The following CSMD1 variants were observed in gnomAD, a reference collection of about 807,000 sequenced individuals.
The protein encoded by CSMD1 is CUB and sushi domain-containing protein 1.
Under a neutral mutation model 417.5 loss-of-function variants are expected in CSMD1, and 213 were observed. The ratio of observed to expected loss-of-function variants is 0.51; its 90% confidence interval spans 0.46 to 0.57. CSMD1 has a LOEUF of 0.57. CSMD1 is among the 20% of genes least tolerant of loss of function. CSMD1 has a pLI of 0.00. For synonymous variants in CSMD1, 2,862 were observed against 1,736.8 expected, an observed-to-expected ratio of 1.65 and a Z score of -16.11; for missense variants, 6,923 against 4,529.7, an observed-to-expected ratio of 1.53 and a Z score of -15.17.
Position 3,854,350 on chromosome 8 carries a change from C to A in CSMD1, c.819-100308G>T, listed in dbSNP as rs995919306. Among the ~76,000 whole-genome samples, 3 of 149,246 alleles carry A rather than the reference C, an allele frequency of 2.0e-5. No homozygotes were observed. In the Admixed American group the frequency reaches 2.0e-4, roughly 10 times the overall value. ...TTTGTAGTCTTTTTTCAGATAAATTCTTTTCCTTTTGATTTTAAGAACACA... is the reference window on the plus strand; with the variant it reads ...TTTGTAGTCTTTTTTCAGATAAATTATTTTCCTTTTGATTTTAAGAACACA... On this transcript the variant is annotated intron_variant, in intron 5 of 69. Coordinates refer to ENST00000635120, the MANE Select transcript of CSMD1 (RefSeq NM_033225.6).
chr8:3,828,896 T>C (rs1802209294), intron 5 of CSMD1, among the ~76,000 whole-genome samples: 1 of 152,212 alleles, frequency 6.6e-6, no homozygotes, highest in Admixed American at 6.5e-5. Context: ...CCATGTTCAC[T>C]GTAGTGGCCT....
intron 2 of CSMD1, among the ~76,000 whole-genome samples, chr8:4,563,360 C>T (rs1413471450): frequency 6.6e-6 from 1 of 152,086 alleles, no homozygotes; most frequent in Non-Finnish European, 1.5e-5. Flanking sequence ...CAGATCGTGC[C>T]GCTGCACTCC....
At chr8:4,221,402 T>C (rs974081760) in intron 3 of CSMD1, among the ~76,000 whole-genome samples, 3 of 151,262 alleles carry the variant, frequency 2.0e-5, no homozygotes, top group African/African-American at 4.9e-5. Context: ...AACAACACAT[T>C]GACAGCAGCA....
intron 6 of CSMD1, among the ~76,000 whole-genome samples, chr8:3,749,765 G>A (rs570302018): frequency 2.4e-4 from 36 of 152,018 alleles, no homozygotes; most frequent in African/African-American, 8.4e-4. Context: ...GTATGTGAGA[G>A]TCACCCATGT....
chr8:4,289,468 A>G (rs1370813114), intron 3 of CSMD1, among the ~76,000 whole-genome samples: 1 of 152,202 alleles, frequency 6.6e-6, no homozygotes, highest in Admixed American at 6.5e-5. Flanking sequence ...CAAGTCCAGT[A>G]GTAGCCAGAT....
chr8:4,973,101 T>C (rs969005305), intron 1 of CSMD1, among the ~76,000 whole-genome samples: 12 of 152,202 alleles, frequency 7.9e-5, no homozygotes, highest in Admixed American at 2.0e-4. Context: ...CAAAGGAAAC[T>C]CATGCTACTG....
At chr8:4,518,251 C>A (rs768386687) in intron 2 of CSMD1, among the ~76,000 whole-genome samples, 7 of 152,114 alleles carry the variant, frequency 4.6e-5, no homozygotes, top group African/African-American at 9.7e-5. Context: ...CTCCCTCCCA[C>A]AGACACAAAA....
At chr8:4,831,499 T>C (rs1800145107) in intron 1 of CSMD1, among the ~76,000 whole-genome samples, 1 of 152,228 alleles carries the variant, frequency 6.6e-6, no homozygotes, top group African/African-American at 2.4e-5. Flanking sequence ...GTCAAGATGC[T>C]GCTCATTGCA....
At chr8:4,531,995 G>A (rs1277098682) in intron 2 of CSMD1, among the ~76,000 whole-genome samples, 2 of 145,186 alleles carry the variant, frequency 1.4e-5, no homozygotes, top group Non-Finnish European at 3.0e-5. Context: ...GAGAAATCCT[G>A]CACCCCCATT....
At chr8:4,223,575 A>T (rs753623395) in intron 3 of CSMD1, among the ~76,000 whole-genome samples, 3 of 152,234 alleles carry the variant, frequency 2.0e-5, no homozygotes, top group Non-Finnish European at 2.9e-5. Context: ...GACCTGTGTC[A>T]CCTGAATGTT....
At chr8:2,962,968 AG>A (rs1803630587) in intron 60 of CSMD1, among the ~76,000 whole-genome samples, 2 of 152,222 alleles carry the variant, frequency 1.3e-5, no homozygotes, top group Non-Finnish European at 2.9e-5. Context: ...GGATGGTTTG[AG>A]CCCGAGAGAT....
intron 2 of CSMD1, among the ~76,000 whole-genome samples, chr8:4,631,817 T>C (rs935296682): frequency 6.6e-6 from 1 of 152,210 alleles, no homozygotes; most frequent in Non-Finnish European, 1.5e-5. Context: ...TTGTTAAAGT[T>C]AGAAAGACCG....
chr8:4,234,138 T>C (rs1801907057), intron 3 of CSMD1, among the ~76,000 whole-genome samples: 1 of 152,190 alleles, frequency 6.6e-6, no homozygotes, highest in Non-Finnish European at 1.5e-5. Flanking sequence ...TGGAAGATTA[T>C]TCTTCATAGG....
At chr8:4,828,423 C>T (rs1052416729) in intron 1 of CSMD1, among the ~76,000 whole-genome samples, 2 of 152,090 alleles carry the variant, frequency 1.3e-5, no homozygotes, top group Admixed American at 1.3e-4. Context: ...CCACGCAAAG[C>T]AGGGGAGTTG....
intron 25 of CSMD1, among the ~76,000 whole-genome samples, chr8:3,292,047 A>G (rs562897916): frequency 6.8e-4 from 103 of 152,216 alleles, no homozygotes; most frequent in African/African-American, 2.2e-3. Context: ...CGTTGGTTTC[A>G]AAGAACATCT....
At chr8:4,381,660 C>G (rs565070881) in intron 3 of CSMD1, among the ~76,000 whole-genome samples, 2 of 152,332 alleles carry the variant, frequency 1.3e-5, no homozygotes, top group South Asian at 4.1e-4. Context: ...CCCCAACCCT[C>G]ATTCCCCAGT....
chr8:4,926,269 G>C (rs919516893), intron 1 of CSMD1, among the ~76,000 whole-genome samples: 1 of 152,116 alleles, frequency 6.6e-6, no homozygotes. Flanking sequence ...ATGTATCACA[G>C]AGTTAAACAT....
At chr8:4,252,644 C>A (rs1014480179) in intron 3 of CSMD1, among the ~76,000 whole-genome samples, 1 of 152,194 alleles carries the variant, frequency 6.6e-6, no homozygotes, top group African/African-American at 2.4e-5. Context: ...AAGTAACACC[C>A]AGTTTAAAAA....
chr8:4,842,582 A>T (rs1229018244), intron 1 of CSMD1, among the ~76,000 whole-genome samples: 1 of 152,228 alleles, frequency 6.6e-6, no homozygotes, highest in East Asian at 1.9e-4. Flanking sequence ...AGCATAGGGC[A>T]CATGTATCCC....
Sources: gnomAD v4.1 joint callset for allele counts (sites outside exome capture counted in the v4.1 genomes callset) on GRCh38, gnomAD v4.1.1 for gene constraint, MANE v1.5 for transcripts, NCBI Gene and HGNC (gene_info 2026-07-23, HGNC 2026-07-21) for gene names.